Variants in AUTS2 observed in about 807,000 individuals in gnomAD.
The protein encoded by AUTS2 is activator of transcription and developmental regulator AUTS2, also known as autism susceptibility gene 2 protein.
In AUTS2, 17 loss-of-function variants were observed where a neutral mutation model predicts 112.4. The observed-to-expected ratio is 0.15, with a 90% CI of 0.10 to 0.23. The LOEUF is 0.23. AUTS2 is among the 10% of genes least tolerant of loss of function. The pLI is 1.00. For missense variants in AUTS2, 1,510 were observed against 1,701.6 expected (o/e 0.89, Z 1.98); for synonymous variants, 751 against 702.7 (o/e 1.07, Z -1.09).
At chr7:70,707,443 C>T (rs1245081119) in intron 6 of AUTS2, among the ~76,000 whole-genome samples, 1 of 152,142 alleles carries the variant, frequency 6.6e-6, no homozygotes. Context: ...TCATACTGTG[C>T]TAGGCTCTGG....
intron 3 of AUTS2, among the ~76,000 whole-genome samples, chr7:70,129,304 C>G (rs1422874765): frequency 6.6e-6 from 1 of 152,230 alleles, no homozygotes; most frequent in Middle Eastern, 3.2e-3. Flanking sequence ...GGAATTCTCT[C>G]TTCTCTGGGA....
intron 5 of AUTS2, among the ~76,000 whole-genome samples, chr7:70,628,938 G>T (rs1044748997): frequency 6.6e-6 from 1 of 152,094 alleles, no homozygotes; most frequent in East Asian, 1.9e-4. Context: ...GGGGGAAGTG[G>T]GGATTCCAGC....
At chr7:70,472,874 G>C (rs117851545) in intron 5 of AUTS2, among the ~76,000 whole-genome samples, 3,526 of 152,290 alleles carry the variant, frequency 0.023, 53 homozygotes, top group Non-Finnish European at 0.032. Context: ...CCATCCTTGT[G>C]GAGCTCAGTG....
At chr7:70,352,772 G>A (rs530026396) in intron 4 of AUTS2, among the ~76,000 whole-genome samples, 63 of 152,300 alleles carry the variant, frequency 4.1e-4, no homozygotes, top group African/African-American at 1.3e-3. Context: ...TAAAAAAAGC[G>A]AAGAGGCTGA....
intron 2 of AUTS2, among the ~76,000 whole-genome samples, chr7:70,069,313 G>C (rs1277889305): frequency 6.6e-6 from 1 of 152,158 alleles, no homozygotes; most frequent in Non-Finnish European, 1.5e-5. Context: ...ACTGAGTCCA[G>C]GATGTGCCAA....
intron 1 of AUTS2, among the ~76,000 whole-genome samples, chr7:69,773,930 GC>G (rs1213587200): frequency 6.6e-6 from 1 of 152,240 alleles, no homozygotes; most frequent in East Asian, 1.9e-4. Flanking sequence ...GCCAGTCAGT[GC>G]CTCATATTCA....
intron 5 of AUTS2, among the ~76,000 whole-genome samples, chr7:70,491,107 A>T (rs1798210916): frequency 6.6e-6 from 1 of 152,156 alleles, no homozygotes; most frequent in African/African-American, 2.4e-5. Flanking sequence ...AAGCTGTCAA[A>T]GCTTAGTTTT....
intron 2 of AUTS2, among the ~76,000 whole-genome samples, chr7:70,046,953 G>A (rs1178215274): frequency 6.6e-6 from 1 of 152,138 alleles, no homozygotes; most frequent in Admixed American, 6.5e-5. Flanking sequence ...GTTCTTAATA[G>A]GGCTAGATAA....
intron 2 of AUTS2, among the ~76,000 whole-genome samples, chr7:70,098,827 C>T (rs1198578318): frequency 1.3e-5 from 2 of 151,810 alleles, no homozygotes; most frequent in Non-Finnish European, 2.9e-5. Context: ...CTCAGCCTCC[C>T]GAGTAGCTGG....
intron 2 of AUTS2, among the ~76,000 whole-genome samples, chr7:69,908,992 G>C (rs1395907030): frequency 6.6e-6 from 1 of 152,114 alleles, no homozygotes; most frequent in Non-Finnish European, 1.5e-5. Context: ...CAAGGAACTG[G>C]AGTTCCTTCA....
chr7:70,195,762 AATCATC>A (rs1810139292), intron 4 of AUTS2, among the ~76,000 whole-genome samples: 1 of 152,172 alleles, frequency 6.6e-6, no homozygotes, highest in Non-Finnish European at 1.5e-5. Context: ...AGTTTAAAGA[AATCATC>A]ATTTTCCTAT....
chr7:70,050,345 G>C (rs1182954005), intron 2 of AUTS2, among the ~76,000 whole-genome samples: 1 of 89,238 alleles, frequency 1.1e-5, no homozygotes, highest in East Asian at 3.7e-4. Flanking sequence ...GACAGAGCAA[G>C]ACTCTGTCTC....
intron 5 of AUTS2, among the ~76,000 whole-genome samples, chr7:70,474,380 G>A (rs1797503431): frequency 6.6e-6 from 1 of 152,148 alleles, no homozygotes; most frequent in South Asian, 2.1e-4. Context: ...CCTCAGTCAG[G>A]TCCAGATGCT....
At chr7:70,733,127 G>T (rs972274472) in intron 6 of AUTS2, among the ~76,000 whole-genome samples, 2 of 152,170 alleles carry the variant, frequency 1.3e-5, no homozygotes, top group African/African-American at 2.4e-5. Flanking sequence ...TTAATGATCT[G>T]AGACAGCACC....
At chr7:70,118,900 A>G (rs765791683) in intron 3 of AUTS2, 1 of 152,004 alleles carries the variant, frequency 6.6e-6, no homozygotes, top group Non-Finnish European at 1.5e-5. Context: ...CTGCCCACCA[A>G]CAGGGCAGGT....
intron 1 of AUTS2, among the ~76,000 whole-genome samples, chr7:69,655,048 C>T (rs868470495): frequency 6.6e-6 from 1 of 152,250 alleles, no homozygotes; most frequent in Middle Eastern, 3.4e-3. Flanking sequence ...CGCCCAGCAG[C>T]CCCATAAAAC....
At chr7:70,309,330 G>A (rs959768209) in intron 4 of AUTS2, among the ~76,000 whole-genome samples, 3 of 152,172 alleles carry the variant, frequency 2.0e-5, no homozygotes, top group Non-Finnish European at 4.4e-5. Context: ...GCGGAGATCA[G>A]GGAGAGCCTA....
At chr7:69,946,604 ACACG>A (rs1447993912) in intron 2 of AUTS2, among the ~76,000 whole-genome samples, 13 of 127,062 alleles carry the variant, frequency 1.0e-4, no homozygotes, top group Non-Finnish European at 1.8e-4. Flanking sequence ...ACACACACAC[ACACG>A]CACGCACACA....
rs1241517255 is a variant in AUTS2 at position 70,303,434 on chromosome 7, G to GCGCGCACACACA, written c.661-132317_661-132316insGCGCACACACAC. Among the ~76,000 whole-genome samples the GCGCGCACACACA allele has an allele frequency of 4.3e-3, 613 of 142,036 alleles. 6 individuals are homozygous for GCGCGCACACACA. Among genetic ancestry groups the GCGCGCACACACA allele is most frequent in the Middle Eastern group, 0.036 (10 of 276 alleles). The allele number at this position is 142,036 out of a possible 152,430, so 93.2% of individuals were successfully genotyped here. On this transcript the variant is annotated intron_variant, in intron 4 of 18. Transcript: ENST00000342771. ...CACGCACACACACACGCGCGCGCGC[G>GCGCGCACACACA]CACATACACACACACACACACACAC...
Sources: allele counts gnomAD v4.1 joint callset (sites outside exome capture counted in the v4.1 genomes callset), GRCh38; gene constraint gnomAD v4.1.1; transcripts MANE v1.5; gene names NCBI Gene and HGNC (gene_info 2026-07-23, HGNC 2026-07-21).